EPB41L3: variants seen among roughly 807,000 people sequenced by gnomAD.
The protein encoded by EPB41L3 is band 4.1-like protein 3.
Under a neutral mutation model 127.1 loss-of-function variants are expected in EPB41L3, and 57 were observed. The ratio of observed to expected loss-of-function variants is 0.45; its 90% CI spans 0.36 to 0.56. The LOEUF (loss-of-function observed/expected upper bound fraction) is 0.56, where lower values mean the gene tolerates loss of function less well. Ranked by LOEUF, EPB41L3 falls within the 20% of genes least tolerant of loss-of-function variation. The probability of loss-of-function intolerance (pLI) is 0.00; values close to 1 mark genes in which losing one functional copy is unlikely to be tolerated. For synonymous variants in EPB41L3, 572 were observed against 549.5 expected, an observed-to-expected ratio of 1.04 and a Z score of -0.57; for missense variants, 1,273 against 1,372.2, an observed-to-expected ratio of 0.93 and a Z score of 1.14.
intron 3 of EPB41L3, among the ~76,000 whole-genome samples, chr18:5,465,309 G>T (rs1306104637): frequency 6.6e-6 from 1 of 152,092 alleles, no homozygotes; most frequent in Non-Finnish European, 1.5e-5. Flanking sequence ...TAGCTGATGG[G>T]AAAACACAAA....
Position 5,416,253 on chromosome 18 carries a change from C to A in EPB41L3, c.1632G>T (p.Pro544=). 1.2e-6 allele frequency: 2 copies of A among 1,614,126 alleles called. No individual in the cohort carries two copies. The highest frequency in any genetic ancestry group is 1.7e-6 in the Non-Finnish European group (2 of 1,180,036). ...CTCCAGGCAGGTGCTCAGCTCTGGA[C>A]GGCTCATAACCTGGCAGTTTGCAGT... ...ENDCKLPGYE[P]SRAEHLPGEP... is the part of the protein sequence containing the mutation. The change falls in exon 13 of 23, where the codon CCG becomes CCT. Residue 544 remains proline, a synonymous_variant. Coordinates refer to ENST00000341928, the MANE Select transcript of EPB41L3 (RefSeq NM_012307.5).
intron 1 of EPB41L3, among the ~76,000 whole-genome samples, chr18:5,620,180 T>C (rs2094844404): frequency 2.0e-5 from 3 of 152,310 alleles, no homozygotes; most frequent in Non-Finnish European, 1.5e-5. Flanking sequence ...GATTGTAGAT[T>C]TGAAAGCTGA....
intron 3 of EPB41L3, among the ~76,000 whole-genome samples, chr18:5,569,754 TG>T (rs2094253646): frequency 6.6e-6 from 1 of 152,218 alleles, no homozygotes; most frequent in Admixed American, 6.5e-5. Flanking sequence ...TATTTCTCCA[TG>T]GCAACATCTT....
chr18:5,422,163 G>C (rs1279547813), intron 11 of EPB41L3, among the ~76,000 whole-genome samples: 1 of 152,034 alleles, frequency 6.6e-6, no homozygotes, highest in Non-Finnish European at 1.5e-5. Context: ...CCACCGCAGA[G>C]ACAGAGGGCA....
intron 3 of EPB41L3, among the ~76,000 whole-genome samples, chr18:5,452,833 T>G (rs547146762): frequency 1.3e-5 from 2 of 152,310 alleles, no homozygotes; most frequent in South Asian, 4.1e-4. Context: ...AGTTTCCCTT[T>G]GTATAGTTAA....
intron 9 of EPB41L3, 101 bp downstream of exon 9, chr18:5,428,212 G>A (rs1227660533): frequency 7.3e-7 from 1 of 1,378,488 alleles, no homozygotes; most frequent in African/African-American, 1.4e-5. Flanking sequence ...GTCATTCACT[G>A]TGTCCCACAA....
chr18:5,491,574 A>T (rs2090599376), intron 1 of EPB41L3, among the ~76,000 whole-genome samples: 1 of 152,156 alleles, frequency 6.6e-6, no homozygotes, highest in African/African-American at 2.4e-5. Flanking sequence ...AAAATAATGT[A>T]CCATTACCAT....
intron 20 of EPB41L3, 67 bp from the exon 21 acceptor site, chr18:5,395,214 G>C: frequency 7.6e-7 from 1 of 1,318,824 alleles, no homozygotes; most frequent in Non-Finnish European, 1.1e-6. Flanking sequence ...TTCAGTAGGG[G>C]GAAATGGCCG....
intron 11 of EPB41L3, among the ~76,000 whole-genome samples, chr18:5,420,441 G>C (rs1467174073): frequency 1.3e-5 from 2 of 152,066 alleles, no homozygotes; most frequent in African/African-American, 4.8e-5. Flanking sequence ...AGCTCCATGG[G>C]TAATAACAAA....
intron 3 of EPB41L3, among the ~76,000 whole-genome samples, chr18:5,465,009 C>G (rs2084701205): frequency 6.6e-6 from 1 of 152,182 alleles, no homozygotes; most frequent in African/African-American, 2.4e-5. Context: ...CTGAAAGTCA[C>G]AAGTGGCGTG....
chr18:5,434,934 T>C (rs1488985458), intron 6 of EPB41L3, among the ~76,000 whole-genome samples: 1 of 152,212 alleles, frequency 6.6e-6, no homozygotes, highest in Admixed American at 6.5e-5. Flanking sequence ...TGTGTTACTG[T>C]CCCTGAAGAC....
intron 5 of EPB41L3, among the ~76,000 whole-genome samples, chr18:5,440,150 A>G (rs2080462601): frequency 6.6e-6 from 1 of 152,196 alleles, no homozygotes; most frequent in African/African-American, 2.4e-5. Flanking sequence ...GATTTGGAGT[A>G]TGGCCTAGGA....
At chr18:5,493,825 C>T (rs1303942093) in intron 1 of EPB41L3, among the ~76,000 whole-genome samples, 1 of 152,154 alleles carries the variant, frequency 6.6e-6, no homozygotes, top group Non-Finnish European at 1.5e-5. Flanking sequence ...GACCTCCCCA[C>T]AAGCCAGTCA....
chr18:5,587,073 T>C (rs2094448202), intron 3 of EPB41L3, among the ~76,000 whole-genome samples: 1 of 152,292 alleles, frequency 6.6e-6, no homozygotes, highest in Middle Eastern at 3.4e-3. Flanking sequence ...CAAATGTATA[T>C]CTTGGGCATG....
chr18:5,600,229 G>A (rs1027247295), intron 3 of EPB41L3, among the ~76,000 whole-genome samples: 1 of 152,194 alleles, frequency 6.6e-6, no homozygotes, highest in Non-Finnish European at 1.5e-5. Flanking sequence ...ATGGCAAACT[G>A]TCTCATTTAA....
intron 1 of EPB41L3, among the ~76,000 whole-genome samples, chr18:5,626,638 A>C (rs1301017472): frequency 6.6e-6 from 1 of 152,248 alleles, no homozygotes; most frequent in African/African-American, 2.4e-5. Flanking sequence ...CTGAAGTCAC[A>C]AATTAATTCT....
chr18:5,575,168 C>T (rs1162785693), intron 3 of EPB41L3, among the ~76,000 whole-genome samples: 1 of 152,154 alleles, frequency 6.6e-6, no homozygotes, highest in African/African-American at 2.4e-5. Flanking sequence ...TTTGTTCTGC[C>T]ACTTGCTGTT....
chr18:5,614,438 A>T (rs928008612), intron 1 of EPB41L3: 29 of 152,282 alleles, frequency 1.9e-4, no homozygotes, highest in African/African-American at 6.0e-4. Flanking sequence ...ATTCAAGTAG[A>T]ATCAGAATTA....
chr18:5,412,748 T>C (rs901906020), intron 13 of EPB41L3, among the ~76,000 whole-genome samples: 14 of 152,164 alleles, frequency 9.2e-5, no homozygotes, highest in South Asian at 2.1e-4. Context: ...CTGTGGCACA[T>C]TGGGCACTTT....
Sources: gnomAD v4.1 joint callset for allele counts (sites outside exome capture counted in the v4.1 genomes callset) on GRCh38, gnomAD v4.1.1 for gene constraint, MANE v1.5 for transcripts, NCBI Gene and HGNC (gene_info 2026-07-23, HGNC 2026-07-21) for gene names.